DTWD2: variants seen among roughly 807,000 people sequenced by gnomAD.
The protein encoded by DTWD2 is DTW motif tRNA-uridine aminocarboxypropyltransferase 2, also known as tRNA-uridine aminocarboxypropyltransferase 2.
A neutral mutation model predicts 31.8 loss-of-function variants in DTWD2; 39 were observed. The observed-to-expected ratio is 1.22, with a 90% CI of 0.95 to 1.60. The LOEUF is 1.60. DTWD2 is among the 40% of genes most tolerant of loss of function. The pLI, the probability that DTWD2 is intolerant of heterozygous loss-of-function variation, is 0.00. For missense variants in DTWD2, 515 were observed against 381.5 expected (o/e 1.35, Z -2.92); for synonymous variants, 180 against 142.8 (o/e 1.26, Z -1.86).
chr5:118,970,549 A>G (rs1224002302), intron 1 of DTWD2, among the ~76,000 whole-genome samples: 1 of 152,220 alleles, frequency 6.6e-6, no homozygotes. Context: ...AATTGGAAAC[A>G]AGTGGGAAAA....
At position 118,838,121 on chromosome 5, in the gene DTWD2, G is replaced by A. The variant is rs1396376114; in HGVS notation, c.*2796C>T. 6.6e-6 allele frequency: 1 copy of A among 152,160 alleles called. No homozygotes were observed. Among genetic ancestry groups the A allele is most frequent in the Non-Finnish European group, 1.5e-5 (1 of 68,048 alleles). 9.4% of individuals were successfully genotyped at this position (152,160 alleles called of 1,614,324 possible). The stretch of plus-strand genomic sequence containing the variant: ...AACCTGTAGAAAGTTGCCATGCACT[G>A]TGACTTACTACTTTGTATAATCTAG... On this transcript the variant is annotated 3_prime_UTR_variant, in exon 6 of 6. Coordinates refer to ENST00000510708, the MANE Select transcript of DTWD2 (RefSeq NM_173666.4).
At chr5:118,925,574 G>C (rs573813008) in intron 4 of DTWD2, among the ~76,000 whole-genome samples, 44 of 152,300 alleles carry the variant, frequency 2.9e-4, no homozygotes, top group Middle Eastern at 6.8e-3. Flanking sequence ...GGCCAGGCAC[G>C]GTGGCTCATG....
chr5:118,865,746 T>C (rs1752367309), intron 4 of DTWD2, among the ~76,000 whole-genome samples: 1 of 152,212 alleles, frequency 6.6e-6, no homozygotes, highest in East Asian at 1.9e-4. Context: ...TTTATCTCAT[T>C]GATTCACAAT....
Position 118,874,834 on chromosome 5 carries a change from C to T in DTWD2, c.598-26616G>A, listed in dbSNP as rs181499185. Among the ~76,000 whole-genome samples, 17 of 152,100 alleles carry T rather than the reference C, an allele frequency of 1.1e-4. No homozygotes were observed. In the East Asian group the frequency reaches 3.1e-3, roughly 28 times the overall value. ...ACTTCCCAAAGCTAGCTAGAGAGGCCAACATTCAAATTCCAGAAATGCAGA... is the reference window on the plus strand; with the variant it reads ...ACTTCCCAAAGCTAGCTAGAGAGGCTAACATTCAAATTCCAGAAATGCAGA... On this transcript the variant is annotated intron_variant, in intron 4 of 5. Transcript: ENST00000510708.
intron 4 of DTWD2, among the ~76,000 whole-genome samples, chr5:118,911,872 T>A (rs906520568): frequency 6.6e-6 from 1 of 152,140 alleles, no homozygotes; most frequent in Non-Finnish European, 1.5e-5. Flanking sequence ...AACTCCAAAT[T>A]TCTATCCCTA....
rs751138646 is a variant in DTWD2 at position 118,966,479 on chromosome 5, A to C, written c.218+21815T>G. 1.2e-4 allele frequency among the ~76,000 whole-genome samples: 19 copies of C among 152,312 alleles called. 1 individual carries two copies. The highest frequency in any genetic ancestry group is 3.4e-3 in the Middle Eastern group (1 of 294). On this transcript the variant is annotated intron_variant, in intron 1 of 5. Coordinates refer to ENST00000510708, the MANE Select transcript of DTWD2 (RefSeq NM_173666.4). ...TCTGTCACCTCAAAGTTACTCCAAC[A>C]ATCTGTGGTTTTTAGATCTTTGCAA...
At chr5:118,861,688 T>C (rs1338042025) in intron 4 of DTWD2, among the ~76,000 whole-genome samples, 1 of 152,172 alleles carries the variant, frequency 6.6e-6, no homozygotes, top group Non-Finnish European at 1.5e-5. Context: ...GAGACTGGGA[T>C]AAGGCAGAGA....
chr5:118,882,293 C>A (rs778737369), intron 4 of DTWD2, among the ~76,000 whole-genome samples: 13 of 152,274 alleles, frequency 8.5e-5, no homozygotes, highest in Non-Finnish European at 1.8e-4. Context: ...CTTCCAAAGT[C>A]TTGCACATCT....
chr5:118,982,472 A>C (rs1328944278), intron 1 of DTWD2, among the ~76,000 whole-genome samples: 1 of 152,156 alleles, frequency 6.6e-6, no homozygotes, highest in Non-Finnish European at 1.5e-5. Flanking sequence ...ATGATTTGTA[A>C]ATCAGTTAGC....
At chr5:118,910,375 A>T (rs954072801) in intron 4 of DTWD2, among the ~76,000 whole-genome samples, 1 of 152,234 alleles carries the variant, frequency 6.6e-6, no homozygotes, top group African/African-American at 2.4e-5. Context: ...TTATTACTTT[A>T]TAACAACAAT....
At chr5:118,977,820 T>G (rs1755200078) in intron 1 of DTWD2, among the ~76,000 whole-genome samples, 1 of 152,178 alleles carries the variant, frequency 6.6e-6, no homozygotes, top group Non-Finnish European at 1.5e-5. Context: ...TTCACAGTAT[T>G]AGGAAAAACT....
chr5:118,974,008 G>A, intron 1 of DTWD2: 5 of 1,600,674 alleles, frequency 3.1e-6, no homozygotes, highest in Non-Finnish European at 4.3e-6. Context: ...GTGATGGTGA[G>A]GAAGAGGATG....
At chr5:118,972,443 G>C (rs981038066) in intron 1 of DTWD2, among the ~76,000 whole-genome samples, 2 of 152,096 alleles carry the variant, frequency 1.3e-5, no homozygotes, top group African/African-American at 4.8e-5. Flanking sequence ...TACTTGAATA[G>C]ACCAACAATG....
At chr5:118,908,109 G>T (rs921753452) in intron 4 of DTWD2, among the ~76,000 whole-genome samples, 2 of 152,088 alleles carry the variant, frequency 1.3e-5, no homozygotes, top group African/African-American at 4.8e-5. Context: ...AATGAGCTCA[G>T]GACTTCTGTG....
At chr5:118,969,376 G>A (rs554481737) in intron 1 of DTWD2, among the ~76,000 whole-genome samples, 1 of 152,172 alleles carries the variant, frequency 6.6e-6, no homozygotes, top group Non-Finnish European at 1.5e-5. Flanking sequence ...CCCCCTGACT[G>A]GGTGAGAACT....
At chr5:118,927,724 T>C (rs1043305345) in intron 4 of DTWD2, among the ~76,000 whole-genome samples, 1 of 151,712 alleles carries the variant, frequency 6.6e-6, no homozygotes, top group Non-Finnish European at 1.5e-5. Context: ...CTTAGAAGAG[T>C]TTGAAAGAAG....
intron 4 of DTWD2, among the ~76,000 whole-genome samples, chr5:118,912,415 C>A (rs892455773): frequency 1.3e-5 from 2 of 152,236 alleles, no homozygotes; most frequent in African/African-American, 4.8e-5. Context: ...ACTAAGGCCA[C>A]AAGGCCCTGC....
At chr5:118,987,182 C>T (rs1208781521) in intron 1 of DTWD2, among the ~76,000 whole-genome samples, 2 of 152,178 alleles carry the variant, frequency 1.3e-5, no homozygotes, top group African/African-American at 2.4e-5. Context: ...TCCCCAACCC[C>T]CTCAGACGAC....
intron 1 of DTWD2, among the ~76,000 whole-genome samples, chr5:118,971,083 C>G (rs141151947): frequency 1.3e-5 from 2 of 152,110 alleles, no homozygotes; most frequent in Admixed American, 1.3e-4. Flanking sequence ...ATAAACAAGT[C>G]TGCAAAATAA....
Sources: allele counts gnomAD v4.1 joint callset (sites outside exome capture counted in the v4.1 genomes callset), GRCh38; gene constraint gnomAD v4.1.1; transcripts MANE v1.5; gene names NCBI Gene and HGNC (gene_info 2026-07-23, HGNC 2026-07-21).